The following KCNH5 variants were observed in gnomAD, a reference collection of about 807,000 sequenced individuals.
The protein encoded by KCNH5 is voltage-gated delayed rectifier potassium channel KCNH5.
KCNH5 carries 46 observed loss-of-function variants against 96.1 expected under a neutral mutation model. The observed-to-expected ratio is 0.48, with a 90% confidence interval of 0.38 to 0.61. The LOEUF is 0.61. Ranked by LOEUF, KCNH5 falls within the 20% of genes least tolerant of loss-of-function variation. KCNH5 has a pLI of 0.00. For missense variants in KCNH5, 907 were observed against 1,225.8 expected (o/e 0.74, Z 3.88); for synonymous variants, 439 against 449.8 (o/e 0.98, Z 0.30).
At chr14:62,946,662 G>A (rs949311774) in intron 7 of KCNH5, among the ~76,000 whole-genome samples, 7 of 151,698 alleles carry the variant, frequency 4.6e-5, no homozygotes, top group Non-Finnish European at 8.8e-5. Flanking sequence ...GCCAAAATCT[G>A]GAAACAAATA....
intron 4 of KCNH5, among the ~76,000 whole-genome samples, chr14:62,990,979 C>A (rs1890798241): frequency 6.6e-6 from 1 of 152,014 alleles, no homozygotes; most frequent in African/African-American, 2.4e-5. Flanking sequence ...GGGGGGATCA[C>A]CCCCATGATC....
intron 7 of KCNH5, among the ~76,000 whole-genome samples, chr14:62,941,270 C>G (rs575801634): frequency 1.6e-3 from 244 of 152,172 alleles, no homozygotes; most frequent in Middle Eastern, 3.4e-3. Flanking sequence ...TCAACCTTTA[C>G]AGAATTTGAG....
At chr14:62,743,954 C>T (rs549199433) in intron 10 of KCNH5, among the ~76,000 whole-genome samples, 7 of 152,214 alleles carry the variant, frequency 4.6e-5, no homozygotes, top group African/African-American at 1.7e-4. Context: ...TTTGAAACTA[C>T]CATTCAAAGA....
Position 63,016,827 on chromosome 14 carries a change from C to T in KCNH5, c.197+4G>A. 1 of 1,604,626 alleles carries T rather than the reference C, an allele frequency of 6.2e-7. No individual in the cohort carries two copies. Among genetic ancestry groups the T allele is most frequent in the Non-Finnish European group, 8.5e-7 (1 of 1,176,450 alleles). ...AAAGATTACTTAGCTATTCTGTTAC[C>T]TACCTGCAAGTGCTGCTTTTCTGCA... On this transcript the variant is annotated splice_donor_region_variant and intron_variant, in intron 2 of 10. Transcript: ENST00000322893.
intron 6 of KCNH5, among the ~76,000 whole-genome samples, chr14:62,978,565 C>A (rs1594656147): frequency 7.0e-6 from 1 of 143,022 alleles, no homozygotes; most frequent in Non-Finnish European, 1.5e-5. Flanking sequence ...CCTGCTTGAG[C>A]GACAGAGTGA....
At chr14:62,846,110 C>A (rs1166380242) in intron 8 of KCNH5, among the ~76,000 whole-genome samples, 1 of 152,096 alleles carries the variant, frequency 6.6e-6, no homozygotes, top group Non-Finnish European at 1.5e-5. Flanking sequence ...GACCATTTAC[C>A]ATATTAAAAA....
chr14:62,790,347 T>C (rs1236673675), intron 9 of KCNH5, among the ~76,000 whole-genome samples: 1 of 151,904 alleles, frequency 6.6e-6, no homozygotes, highest in Non-Finnish European at 1.5e-5. Context: ...TGCCTCCAAC[T>C]TTGTTCTTTC....
At chr14:62,739,992 C>A (rs1222007700) in intron 10 of KCNH5, among the ~76,000 whole-genome samples, 2 of 151,930 alleles carry the variant, frequency 1.3e-5, no homozygotes, top group African/African-American at 4.8e-5. Flanking sequence ...ACATCTGAAG[C>A]AGCACTGTTA....
chr14:62,723,611 A>T (rs893855329), intron 10 of KCNH5, among the ~76,000 whole-genome samples: 2 of 152,150 alleles, frequency 1.3e-5, no homozygotes, highest in African/African-American at 4.8e-5. Context: ...CACATCCCTC[A>T]TGGGGTATGT....
In KCNH5 at chr14:63,025,707, A is replaced by G. The variant is rs574892853; in HGVS notation, c.74-8753T>C. Among the ~76,000 whole-genome samples the G allele has an allele frequency of 2.0e-5, 3 of 152,142 alleles. No individual in the cohort carries two copies. In the East Asian group the frequency reaches 5.8e-4, roughly 29 times the overall value. ...AAATTGCAAAACATTGATAAAAGAA[A>G]CTGAGGAAGACACAAATAAAAGGAA... On this transcript the variant is annotated intron_variant, in intron 1 of 10. Transcript: ENST00000322893.
intron 10 of KCNH5, among the ~76,000 whole-genome samples, chr14:62,736,150 C>G (rs571283360): frequency 3.7e-4 from 56 of 152,266 alleles, no homozygotes; most frequent in Middle Eastern, 6.8e-3. Context: ...TGTTGCAAGA[C>G]TTTTCACTGG....
chr14:62,899,775 A>C (rs1888887395), intron 7 of KCNH5, among the ~76,000 whole-genome samples: 1 of 150,880 alleles, frequency 6.6e-6, no homozygotes, highest in African/African-American at 2.4e-5. Context: ...CGGAGCTTGC[A>C]GTGAGCCGAG....
At chr14:62,797,654 TAAG>T (rs1322378613) in intron 9 of KCNH5, among the ~76,000 whole-genome samples, 2 of 152,002 alleles carry the variant, frequency 1.3e-5, no homozygotes, top group Non-Finnish European at 2.9e-5. Flanking sequence ...GTAATAAAAA[TAAG>T]GAGATTTTTA....
chr14:62,891,697 T>C (rs986101999), intron 7 of KCNH5, among the ~76,000 whole-genome samples: 2 of 152,232 alleles, frequency 1.3e-5, no homozygotes, highest in Non-Finnish European at 2.9e-5. Flanking sequence ...AGCAAGTCTA[T>C]TGATGTCATT....
At chr14:62,729,980 G>A (rs1386921045) in intron 10 of KCNH5, among the ~76,000 whole-genome samples, 12 of 152,126 alleles carry the variant, frequency 7.9e-5, no homozygotes, top group East Asian at 1.9e-4. Flanking sequence ...TAATGTTACC[G>A]TGTTACAATA....
rs71410693 is a variant in KCNH5 at position 62,799,691 on chromosome 14, T to TTATATATATATA, written c.1822+2626_1822+2637dup. ...ATATATCTTTTCTATGTATATACCTTTATATATATATATATATATATATAT... is the reference window on the plus strand; with the variant it reads ...ATATATCTTTTCTATGTATATACCTTTATATATATATATATATATATATATATATATATATAT... On this transcript the variant is annotated intron_variant, in intron 9 of 10. Coordinates refer to ENST00000322893, the MANE Select transcript of KCNH5 (RefSeq NM_139318.5). Among the ~76,000 whole-genome samples the TTATATATATATA allele has an allele frequency of 4.6e-3, 269 of 57,968 alleles. 1 individual carries two copies. The highest frequency in any genetic ancestry group is 5.7e-3 in the Non-Finnish European group (167 of 29,548). 38.0% of individuals were successfully genotyped at this position (57,968 alleles called of 152,430 possible). A position where few individuals can be genotyped will look rare whatever the true frequency, so the allele number is the denominator to read the frequency against.
intron 6 of KCNH5, among the ~76,000 whole-genome samples, chr14:62,979,588 T>G (rs762904990): frequency 6.6e-6 from 1 of 152,102 alleles, no homozygotes; most frequent in African/African-American, 2.4e-5. Context: ...ATTTTCCATC[T>G]GAGCAGTCTA....
chr14:62,781,943 A>G (rs1595619898), intron 9 of KCNH5, among the ~76,000 whole-genome samples: 1 of 152,212 alleles, frequency 6.6e-6, no homozygotes, highest in African/African-American at 2.4e-5. Flanking sequence ...AATCTTTACA[A>G]CTTATGCTTA....
At chr14:62,738,323 T>G (rs1378035442) in intron 10 of KCNH5, among the ~76,000 whole-genome samples, 2 of 152,120 alleles carry the variant, frequency 1.3e-5, no homozygotes, top group Non-Finnish European at 2.9e-5. Context: ...ATTTTACATT[T>G]AACATTTTCA....
Sources: gnomAD v4.1 joint callset for allele counts (sites outside exome capture counted in the v4.1 genomes callset) on GRCh38, gnomAD v4.1.1 for gene constraint, MANE v1.5 for transcripts, NCBI Gene and HGNC (gene_info 2026-07-23, HGNC 2026-07-21) for gene names.